ETV6: variants seen among roughly 807,000 people sequenced by gnomAD.
ETV6 encodes the protein ETS variant transcription factor 6.
ETV6 carries 16 observed loss-of-function variants against 51.1 expected under a neutral mutation model. The ratio of observed to expected loss-of-function variants is 0.31; its 90% CI spans 0.21 to 0.48. The LOEUF (loss-of-function observed/expected upper bound fraction) is 0.48, where lower values mean the gene tolerates loss of function less well. ETV6 is among the 20% of genes least tolerant of loss of function. The pLI is 0.99. For missense variants in ETV6, 458 were observed against 594.8 expected (o/e 0.77, Z 2.39); for synonymous variants, 240 against 224.1 (o/e 1.07, Z -0.64).
At chr12:11,766,199 C>G (rs1945158981) in intron 2 of ETV6, among the ~76,000 whole-genome samples, 1 of 152,182 alleles carries the variant, frequency 6.6e-6, no homozygotes, top group Non-Finnish European at 1.5e-5. Flanking sequence ...GCCAAAGTTT[C>G]TTGAAGCAGC....
chr12:11,764,200 A>G (rs1267509787), intron 2 of ETV6, among the ~76,000 whole-genome samples: 1 of 152,184 alleles, frequency 6.6e-6, no homozygotes, highest in Non-Finnish European at 1.5e-5. Context: ...AATTTTTTGA[A>G]GTGGAAGGAC....
intron 1 of ETV6, among the ~76,000 whole-genome samples, chr12:11,714,814 G>A (rs1865244788): frequency 6.6e-6 from 1 of 152,106 alleles, no homozygotes; most frequent in Admixed American, 6.5e-5. Context: ...GTGAGTGGCT[G>A]GAACACAAGG....
chr12:11,801,903 A>G (rs1230932851), intron 2 of ETV6, among the ~76,000 whole-genome samples: 1 of 151,996 alleles, frequency 6.6e-6, no homozygotes, highest in Non-Finnish European at 1.5e-5. Flanking sequence ...GTTCCCCTCC[A>G]TTTCTTCCTA....
intron 2 of ETV6, among the ~76,000 whole-genome samples, chr12:11,760,663 T>G (rs1179075796): frequency 6.6e-6 from 1 of 151,960 alleles, no homozygotes; most frequent in East Asian, 1.9e-4. Flanking sequence ...GTTAGGATTT[T>G]ATTACCCATT....
chr12:11,776,246 C>G (rs1438969649), intron 2 of ETV6, among the ~76,000 whole-genome samples: 2 of 152,166 alleles, frequency 1.3e-5, no homozygotes, highest in Non-Finnish European at 2.9e-5. Context: ...TAAAGCCCGT[C>G]ACAGCAGCAT....
intron 1 of ETV6, among the ~76,000 whole-genome samples, chr12:11,687,930 G>A (rs1259543317): frequency 2.6e-5 from 4 of 152,216 alleles, no homozygotes; most frequent in Non-Finnish European, 5.9e-5. Flanking sequence ...AGTGCTTCCC[G>A]TGTGCTAAGT....
intron 2 of ETV6, among the ~76,000 whole-genome samples, chr12:11,771,044 C>T (rs1293091900): frequency 1.3e-5 from 2 of 152,246 alleles, no homozygotes; most frequent in African/African-American, 4.8e-5. Flanking sequence ...CTGGTTGTGA[C>T]AGCATTGCCA....
intron 2 of ETV6, among the ~76,000 whole-genome samples, chr12:11,766,757 C>T (rs1945167347): frequency 6.6e-6 from 1 of 150,520 alleles, no homozygotes; most frequent in South Asian, 2.1e-4. Flanking sequence ...ACGTCTTCAG[C>T]AATGGGGTGG....
At chr12:11,768,541 C>T (rs1324249575) in intron 2 of ETV6, among the ~76,000 whole-genome samples, 3 of 152,128 alleles carry the variant, frequency 2.0e-5, no homozygotes, top group African/African-American at 7.2e-5. Context: ...TCAGTGCACC[C>T]CTACTGTTTT....
At chr12:11,848,078 C>T (rs1946490543) in intron 3 of ETV6, among the ~76,000 whole-genome samples, 1 of 151,976 alleles carries the variant, frequency 6.6e-6, no homozygotes, top group Non-Finnish European at 1.5e-5. Context: ...CATTTTTTGC[C>T]AGATTTTGTG....
chr12:11,795,070 C>CT (rs1945656668), intron 2 of ETV6, among the ~76,000 whole-genome samples: 1 of 152,180 alleles, frequency 6.6e-6, no homozygotes, highest in Non-Finnish European at 1.5e-5. Flanking sequence ...CAGGGATAGT[C>CT]TAAGAGTACA....
chr12:11,871,324 G>A (rs1014935614), intron 5 of ETV6, among the ~76,000 whole-genome samples: 3 of 151,476 alleles, frequency 2.0e-5, no homozygotes, highest in Non-Finnish European at 4.4e-5. Flanking sequence ...GAGTAGCTGC[G>A]ACTACAGGCG....
intron 1 of ETV6, among the ~76,000 whole-genome samples, chr12:11,689,846 A>C (rs903997605): frequency 8.9e-6 from 1 of 112,664 alleles, no homozygotes; most frequent in Non-Finnish European, 1.6e-5. Flanking sequence ...TTTTTCTCTG[A>C]CATCTGCCGC....
At chr12:11,718,665 T>TTGGGAGGCTGAGG (rs1165722893) in intron 1 of ETV6, among the ~76,000 whole-genome samples, 1 of 151,316 alleles carries the variant, frequency 6.6e-6, no homozygotes, top group Non-Finnish European at 1.5e-5. Flanking sequence ...TCCCAGCTAC[T>TTGGGAGGCTGAGG]TGGGAGGCTG....
intron 1 of ETV6, among the ~76,000 whole-genome samples, chr12:11,657,066 T>G (rs1213306751): frequency 6.6e-6 from 1 of 152,226 alleles, no homozygotes; most frequent in Non-Finnish European, 1.5e-5. Flanking sequence ...CCATCTGACT[T>G]TATACATTTC....
chr12:11,719,171 G>A (rs762052321), intron 1 of ETV6, among the ~76,000 whole-genome samples: 4 of 152,192 alleles, frequency 2.6e-5, no homozygotes, highest in Non-Finnish European at 5.9e-5. Flanking sequence ...CCTGCACCAC[G>A]GGGAGCCGTA....
Position 11,676,938 on chromosome 12 carries a change from A to G in ETV6, c.33+26778A>G, listed in dbSNP as rs145355704. ...TTTGCAGGACTATTAGCAGAGGGTA[A>G]TGCATATCTGCAATATTGTCAGACA... On this transcript the variant is annotated intron_variant, in intron 1 of 7. Coordinates refer to ENST00000396373, the MANE Select transcript of ETV6 (RefSeq NM_001987.5). Among the ~76,000 whole-genome samples the G allele has an allele frequency of 4.9e-3, 742 of 152,350 alleles. 6 individuals carry two copies. Among genetic ancestry groups the G allele is most frequent in the Non-Finnish European group, 7.0e-3 (477 of 68,032 alleles).
chr12:11,868,189 G>A (rs954760741), intron 4 of ETV6, among the ~76,000 whole-genome samples: 8 of 152,204 alleles, frequency 5.3e-5, no homozygotes, highest in Admixed American at 2.6e-4. Context: ...CATGCTTAGA[G>A]CAGGTTTTGG....
chr12:11,778,454 C>A (rs1222379432), intron 2 of ETV6, among the ~76,000 whole-genome samples: 1 of 152,196 alleles, frequency 6.6e-6, no homozygotes, highest in Non-Finnish European at 1.5e-5. Flanking sequence ...GCAGTGTTTT[C>A]TTGTAACCAT....
Sources: gnomAD v4.1 joint callset for allele counts (sites outside exome capture counted in the v4.1 genomes callset) on GRCh38, gnomAD v4.1.1 for gene constraint, MANE v1.5 for transcripts, NCBI Gene and HGNC (gene_info 2026-07-23, HGNC 2026-07-21) for gene names.